TEX9: variants seen among roughly 807,000 people sequenced by gnomAD.
TEX9 encodes the protein testis expressed 9.
TEX9 carries 74 observed loss-of-function variants against 59.6 expected under a neutral mutation model. That is an observed-to-expected ratio of 1.24 (90% CI 1.03 to 1.51). TEX9 has a LOEUF of 1.51. TEX9 is among the 40% of genes most tolerant of loss of function. TEX9 has a pLI of 0.00. For missense variants in TEX9, 522 were observed against 447.8 expected (o/e 1.17, Z -1.49); for synonymous variants, 186 against 152.2 (o/e 1.22, Z -1.64).
chr15:56,370,717 C>A (rs915974286), intron 2 of TEX9, among the ~76,000 whole-genome samples: 4 of 152,150 alleles, frequency 2.6e-5, no homozygotes, highest in Non-Finnish European at 5.9e-5. Flanking sequence ...AGGGAGTACT[C>A]TCTTTAAAAT....
At chr15:56,342,254 G>A (rs570548107) in intron 1 of TEX9, among the ~76,000 whole-genome samples, 127 of 152,176 alleles carry the variant, frequency 8.3e-4, no homozygotes, top group Non-Finnish European at 1.4e-3. Flanking sequence ...TTCACAATAA[G>A]CTTTTGAGGT....
intron 1 of TEX9, among the ~76,000 whole-genome samples, chr15:56,309,112 T>G (rs1232247137): frequency 6.6e-6 from 1 of 152,208 alleles, no homozygotes; most frequent in Non-Finnish European, 1.5e-5. Flanking sequence ...AGAAATTGTT[T>G]TGAATCTGCA....
chr15:56,408,746 A>G (rs1311517262), intron 9 of TEX9: 1 of 152,246 alleles, frequency 6.6e-6, no homozygotes, highest in Non-Finnish European at 1.5e-5. Flanking sequence ...CCAGCTCACC[A>G]ACAAGTCCTG....
intron 4 of TEX9, among the ~76,000 whole-genome samples, chr15:56,387,250 T>C (rs1445221420): frequency 1.3e-5 from 2 of 151,932 alleles, no homozygotes; most frequent in Admixed American, 6.6e-5. Context: ...CTTAAATGTC[T>C]TTTGGCTGAT....
chr15:56,322,990 C>G (rs946281969), intron 1 of TEX9, among the ~76,000 whole-genome samples: 46 of 151,882 alleles, frequency 3.0e-4, no homozygotes, highest in African/African-American at 9.9e-4. Flanking sequence ...TACTTCCTAA[C>G]AAAAATAAAG....
chr15:56,443,537 A>T (rs1194682463), intron 12 of TEX9: 1 of 1,582,092 alleles, frequency 6.3e-7, no homozygotes, highest in African/African-American at 1.4e-5. Flanking sequence ...TTCTGTGTCA[A>T]CTATTAAATT....
At chr15:56,345,978 A>G (rs2046462899) in intron 1 of TEX9, among the ~76,000 whole-genome samples, 1 of 152,202 alleles carries the variant, frequency 6.6e-6, no homozygotes, top group African/African-American at 2.4e-5. Context: ...GGGAAGGACA[A>G]TTGGTCAGTT....
intron 1 of TEX9, among the ~76,000 whole-genome samples, chr15:56,302,471 T>C (rs2045384516): frequency 6.6e-6 from 1 of 152,024 alleles, no homozygotes; most frequent in African/African-American, 2.4e-5. Context: ...TAGCGAGCCA[T>C]GATTGCACCA....
chr15:56,337,514 T>G (rs2046278827), intron 1 of TEX9, among the ~76,000 whole-genome samples: 1 of 152,218 alleles, frequency 6.6e-6, no homozygotes, highest in African/African-American at 2.4e-5. Flanking sequence ...CTGTAACCTT[T>G]GTTTCTGTGG....
At chr15:56,425,637 C>CATT (rs2050202340) in intron 10 of TEX9, among the ~76,000 whole-genome samples, 1 of 152,034 alleles carries the variant, frequency 6.6e-6, no homozygotes, top group Non-Finnish European at 1.5e-5. Flanking sequence ...TGTCAATATT[C>CATT]TCCTTCAGCT....
At chr15:56,434,020 A>G in intron 12 of TEX9, 1 of 1,131,160 alleles carries the variant, frequency 8.8e-7, no homozygotes, top group East Asian at 2.4e-5. Context: ...TATATATATT[A>G]GTAAACATAC....
At chr15:56,291,711 C>A (rs565639986) in intron 1 of TEX9, among the ~76,000 whole-genome samples, 1 of 152,308 alleles carries the variant, frequency 6.6e-6, no homozygotes. Flanking sequence ...CCCACTCCCC[C>A]CAACTTCTAC....
chr15:56,431,338 C>T, intron 12 of TEX9: 1 of 1,603,714 alleles, frequency 6.2e-7, no homozygotes. Context: ...TATTACAGGT[C>T]ATGAAGATTA....
chr15:56,377,457 G>C (rs1252140043), intron 3 of TEX9, among the ~76,000 whole-genome samples: 1 of 152,008 alleles, frequency 6.6e-6, no homozygotes, highest in Admixed American at 6.6e-5. Flanking sequence ...TTTTGTTGTA[G>C]AGATCTGTTA....
intron 1 of TEX9, among the ~76,000 whole-genome samples, chr15:56,269,081 C>A (rs1433189438): frequency 3.3e-5 from 5 of 152,070 alleles, no homozygotes; most frequent in Non-Finnish European, 5.9e-5. Context: ...GGAATTTATC[C>A]ATTTCTTCTA....
upstream of TEX9, chr15:56,365,304 G>A (rs548683476): frequency 2.2e-5 from 24 of 1,108,876 alleles, no homozygotes; most frequent in East Asian, 1.9e-4. Context: ...AGCAAAGGCC[G>A]AGCCCGCTGC....
intron 1 of TEX9, chr15:56,274,694 T>C (rs1172057492): frequency 6.6e-6 from 1 of 152,028 alleles, no homozygotes; most frequent in African/African-American, 2.4e-5. Context: ...TTCAGGTAAG[T>C]AGTATTTATG....
intron 1 of TEX9, among the ~76,000 whole-genome samples, chr15:56,306,299 G>C (rs985241420): frequency 7.5e-6 from 1 of 133,692 alleles, no homozygotes; most frequent in Non-Finnish European, 1.6e-5. Flanking sequence ...GTATCAAAGA[G>C]ATATCTGCAC....
At chr15:56,458,309 T>C in the TEX9 span, among the ~76,000 whole-genome samples, 2 of 152,198 alleles carry the variant, frequency 1.3e-5, no homozygotes, top group South Asian at 4.1e-4. Flanking sequence ...CTTTGAAGTT[T>C]TGGGTTCACA....
Sources: allele counts gnomAD v4.1 joint callset (sites outside exome capture counted in the v4.1 genomes callset), GRCh38; gene constraint gnomAD v4.1.1; transcripts MANE v1.5; gene names NCBI Gene and HGNC (gene_info 2026-07-23, HGNC 2026-07-21).